JUP: variants seen among roughly 807,000 people sequenced by gnomAD.
JUP encodes the protein junction plakoglobin.
JUP carries 28 observed loss-of-function variants against 71.1 expected under a neutral mutation model. The observed-to-expected ratio is 0.39, with a 90% confidence interval of 0.29 to 0.54. The LOEUF (loss-of-function observed/expected upper bound fraction) is 0.54. Ranked by LOEUF, JUP falls within the 20% of genes least tolerant of loss-of-function variation. JUP has a pLI of 0.62. For missense variants in JUP, 869 were observed against 1,030.1 expected, an observed-to-expected ratio of 0.84 and a Z score of 2.14; for synonymous variants, 401 against 438.9, an observed-to-expected ratio of 0.91 and a Z score of 1.08.
chr17:41,755,965 T>C (rs1913646104), intron 13 of JUP, 70 bp from the exon 14 acceptor site: 2 of 1,550,300 alleles, frequency 1.3e-6, no homozygotes, highest in Non-Finnish European at 1.8e-6. Context: ...CTGCACAGCC[T>C]TCAGCTGCCT....
At chr17:41,784,828 C>G (rs1417342443) in intron 1 of JUP, 1 of 152,202 alleles carries the variant, frequency 6.6e-6, no homozygotes, top group African/African-American at 2.4e-5. Flanking sequence ...TTTCTCCCAC[C>G]CCCAGGACTG....
chr17:41,771,365 G>A, intron 2 of JUP: 1 of 525,316 alleles, frequency 1.9e-6, no homozygotes, highest in Non-Finnish European at 3.5e-6. Flanking sequence ...CAGAAGGCAA[G>A]GACTATGGCT....
Position 41,763,018 on chromosome 17 carries a change from G to C in JUP, c.1462C>G (p.Leu488Val). 6.2e-7 allele frequency: 1 copy of C among 1,614,120 alleles called. No individual in the cohort carries two copies. Among genetic ancestry groups the C allele is most frequent in the Non-Finnish European group, 8.5e-7 (1 of 1,180,018 alleles). ...LNYGIPAIVK[L>V]LNQPNQWPLV... is the part of the protein sequence containing the mutation. ...GGCCACTGGTTGGGCTGGTTGAGCA[G>C]CTTCACGATGGCTGGGATGCCATAG... Residue 488 changes from leucine (L) to valine (V), a missense_variant, in exon 8 of 14, where the codon CTG (leucine) becomes GTG (valine). Leu to Val is a conservative substitution (Grantham distance 32, BLOSUM62 1). Coordinates refer to ENST00000393931, the MANE Select transcript of JUP (RefSeq NM_002230.4).
At chr17:41,772,822 A>C in intron 1 of JUP, 2 of 985,472 alleles carry the variant, frequency 2.0e-6, no homozygotes, top group Non-Finnish European at 2.4e-6. Context: ...GCGCACCTGA[A>C]GGTTAATGAG....
rs201627219 is a variant in JUP, at chr17:41,763,334, G to T, written c.1159-13C>A. 689 of 1,606,170 alleles carry T rather than the reference G, an allele frequency of 4.3e-4. 5 individuals are homozygous for T. The African/African-American group carries it at 8.3e-3, about 19-fold the overall frequency. On this transcript the variant is annotated splice_polypyrimidine_tract_variant and intron_variant, in intron 7 of 13. Coordinates refer to ENST00000393931, the MANE Select transcript of JUP (RefSeq NM_002230.4). ...TCTCCAGGCCCTCCTGGAGGGCAAGGAAGGGACGGGGGAGTCAGGGAGCAG... is the reference window on the plus strand; with the variant it reads ...TCTCCAGGCCCTCCTGGAGGGCAAGTAAGGGACGGGGGAGTCAGGGAGCAG...
intron 1 of JUP, among the ~76,000 whole-genome samples, chr17:41,784,158 C>T (rs1228189576): frequency 6.6e-6 from 1 of 152,058 alleles, no homozygotes; most frequent in African/African-American, 2.4e-5. Flanking sequence ...GTCAATTGAC[C>T]CATCTCACTC....
Position 41,764,918 on chromosome 17 carries a change from C to G in JUP, c.1054+5G>C, listed in dbSNP as rs782745840. 1 of 1,614,206 alleles carries G rather than the reference C, an allele frequency of 6.2e-7. No homozygotes were observed. ...CCCAGCCGCCCTCAAGGCCATCATA[C>G]TCACCAGCCTCCACAATGGCAGGCT... On this transcript the variant is annotated splice_donor_5th_base_variant and intron_variant, in intron 6 of 13. Transcript: ENST00000393931.
At chr17:41,756,245 G>C in intron 12 of JUP, 31 bp from the exon 13 acceptor site, 2 of 1,610,300 alleles carry the variant, frequency 1.2e-6, no homozygotes, top group Non-Finnish European at 1.7e-6. Context: ...ATGGAGGGGA[G>C]GTTTGAAAAT....
intron 1 of JUP, chr17:41,786,023 G>A (rs555823047): frequency 6.6e-6 from 1 of 152,244 alleles, no homozygotes; most frequent in African/African-American, 2.4e-5. Context: ...TCACCTGCTC[G>A]GCAGGTGGGG....
At chr17:41,781,076 G>A (rs2047134888) in intron 1 of JUP, among the ~76,000 whole-genome samples, 1 of 151,988 alleles carries the variant, frequency 6.6e-6, no homozygotes, top group Admixed American at 6.6e-5. Context: ...AGCTACTCGG[G>A]AGGCTAAGGC....
chr17:41,767,622 G>A (rs1915939536), intron 4 of JUP, 42 bp from the exon 5 acceptor site: 3 of 1,532,110 alleles, frequency 2.0e-6, no homozygotes, highest in South Asian at 2.3e-5. Context: ...GGTCCCAGAG[G>A]CCTGGCATAC....
chr17:41,784,222 G>T (rs1268184517), intron 1 of JUP, among the ~76,000 whole-genome samples: 1 of 151,780 alleles, frequency 6.6e-6, no homozygotes, highest in African/African-American at 2.4e-5. Context: ...GACCTTTTTC[G>T]TTCCTATGCA....
At position 41,763,069 on chromosome 17, in the gene JUP, T is replaced by C. The variant is rs1915150022; in HGVS notation, c.1411A>G (p.Met471Val). ...TTGAGACGCACAGAGTTCTGGGCCA[T>C]CTCGGCCTCAGGGTGGCGGCTAGTG... ...HLTSRHPEAE[M>V]AQNSVRLNYG... The change falls in exon 8 of 14, where the codon ATG (methionine) becomes GTG (valine). Residue 471 changes from methionine to valine, a missense_variant. Physicochemically the swap from Met to Val is conservative, Grantham distance 21. Transcript: ENST00000393931. 1 of 1,613,966 alleles carries C rather than the reference T, an allele frequency of 6.2e-7. No homozygotes were observed. The highest frequency in any genetic ancestry group is 1.1e-5 in the South Asian group (1 of 91,088).
In JUP at chr17:41,757,443, AAG is replaced by A; in HGVS notation, c.2016_2017del (p.Phe673GlnfsTer3). The A allele has an allele frequency of 2.5e-6, 4 of 1,614,244 alleles. No individual in the cohort carries two copies. The highest frequency in any genetic ancestry group is 3.4e-6 in the Non-Finnish European group (4 of 1,180,038). ...CTCCCAGGCAGCCGGGTCATGCTTG[AAG>A]AGGGAGTTGGTGAGCTCCACGGACA... On this transcript the variant is annotated frameshift_variant, in exon 12 of 14. Coordinates refer to ENST00000393931, the MANE Select transcript of JUP (RefSeq NM_002230.4). LOFTEE classifies it high-confidence loss of function.
chr17:41,757,338 A>G, intron 12 of JUP, 77 bp downstream of exon 12: 1 of 1,477,672 alleles, frequency 6.8e-7, no homozygotes, highest in South Asian at 1.1e-5. Context: ...CAGTAGTAGG[A>G]GACCCCCAAA....
At position 41,782,597 on chromosome 17, in the gene JUP, C is replaced by A. The variant is rs1282905001; in HGVS notation, c.-9+3991G>T. On this transcript the variant is annotated intron_variant, in intron 1 of 13. Coordinates refer to ENST00000393931, the MANE Select transcript of JUP (RefSeq NM_002230.4). ...TGCCTCCTCTTTCCCTCTCAACCTCCCCCCAACACTCACCACAGCCCTGGC... is the reference window on the plus strand; with the variant it reads ...TGCCTCCTCTTTCCCTCTCAACCTCACCCCAACACTCACCACAGCCCTGGC... Among the ~76,000 whole-genome samples the A allele has an allele frequency of 2.0e-5, 3 of 152,208 alleles. No homozygotes were observed. The South Asian group carries it at 6.2e-4, about 32-fold the overall frequency.
At chr17:41,784,843 A>G (rs2047369993) in intron 1 of JUP, 1 of 152,086 alleles carries the variant, frequency 6.6e-6, no homozygotes, top group South Asian at 2.1e-4. Context: ...GGACTGAGAG[A>G]GAACCCAACT....
At chr17:41,765,219 A>G in intron 5 of JUP, 152 bp from the exon 6 acceptor site, 1 of 747,596 alleles carries the variant, frequency 1.3e-6, no homozygotes, top group Non-Finnish European at 2.1e-6. Context: ...TCTTTTTATA[A>G]AGATGGGGGT....
chr17:41,784,780 T>C (rs1484654521), intron 1 of JUP, among the ~76,000 whole-genome samples: 1 of 151,856 alleles, frequency 6.6e-6, no homozygotes, highest in African/African-American at 2.4e-5. Context: ...GGTAGACTCT[T>C]CCCCTCCAAG....
Sources: allele counts gnomAD v4.1 joint callset (sites outside exome capture counted in the v4.1 genomes callset), GRCh38; gene constraint gnomAD v4.1.1; transcripts MANE v1.5; gene names NCBI Gene and HGNC (gene_info 2026-07-23, HGNC 2026-07-21).